The following PRKCQ variants were observed in gnomAD, a reference collection of about 807,000 sequenced individuals.
The protein encoded by PRKCQ is protein kinase C theta.
Under a neutral mutation model 91.2 loss-of-function variants are expected in PRKCQ, and 41 were observed. The ratio of observed to expected loss-of-function variants is 0.45; its 90% CI spans 0.35 to 0.58. PRKCQ has a LOEUF of 0.58. Among genes scored for constraint, PRKCQ ranks in the 20% least tolerant of loss-of-function variants. The pLI, the probability that PRKCQ is intolerant of heterozygous loss-of-function variation, is 0.00. For missense variants in PRKCQ, 673 were observed against 896.5 expected, an observed-to-expected ratio of 0.75 and a Z score of 3.18; for synonymous variants, 307 against 316.9, an observed-to-expected ratio of 0.97 and a Z score of 0.33.
At chr10:6,474,825 T>TA (rs1232354170) in intron 12 of PRKCQ, among the ~76,000 whole-genome samples, 2 of 152,190 alleles carry the variant, frequency 1.3e-5, no homozygotes, top group Admixed American at 6.5e-5. Flanking sequence ...TTTTAAAATG[T>TA]AAGTAATGGA....
chr10:6,500,704 A>AG (rs1319863246), intron 4 of PRKCQ, among the ~76,000 whole-genome samples: 2 of 151,824 alleles, frequency 1.3e-5, no homozygotes, highest in Admixed American at 6.6e-5. Flanking sequence ...TGGTTTTTGC[A>AG]ATTTTTTTTC....
exon 1 of PRKCQ, chr10:6,580,262 GACTGCGCGGGGACTGCGCGGGGA>G (rs1841422034): frequency 9.8e-6 from 1 of 101,638 alleles, no homozygotes; most frequent in Non-Finnish European, 2.3e-5. Flanking sequence ...ACTGCGCGGG[GACTGCGCGGGGACTGCGCGGGGA>G]CTGGCGGGGC....
In PRKCQ at chr10:6,497,969, T is replaced by C. The variant is rs918403599; in HGVS notation, c.542+427A>G. Among the ~76,000 whole-genome samples the C allele has an allele frequency of 6.6e-6, 1 of 152,214 alleles. No individual in the cohort carries two copies. Among genetic ancestry groups the C allele is most frequent in the Admixed American group, 6.5e-5 (1 of 15,284 alleles). On this transcript the variant is annotated intron_variant, in intron 5 of 17. Coordinates refer to ENST00000263125, the MANE Select transcript of PRKCQ (RefSeq NM_006257.5). This position sits in a 1 kb window ranked among gnomAD's most constrained non-coding sequence, Gnocchi z 4.5. ...CTGATCTGTTTGATGGCTATTAAGA[T>C]ACCCAAGAGCCTCATAAGCATTTAA... is the stretch of plus-strand genomic sequence containing the variant.
At chr10:6,463,004 CAAAA>C (rs57879218) in intron 13 of PRKCQ, among the ~76,000 whole-genome samples, 2 of 127,102 alleles carry the variant, frequency 1.6e-5, no homozygotes, top group Non-Finnish European at 1.7e-5. Context: ...GACTCTGACT[CAAAA>C]AAAAAAAAAA....
At chr10:6,493,878 A>G (rs1837453099) in intron 7 of PRKCQ, among the ~76,000 whole-genome samples, 1 of 152,190 alleles carries the variant, frequency 6.6e-6, no homozygotes, top group East Asian at 1.9e-4. Flanking sequence ...AAATGTTAGG[A>G]GAAATTCTAC....
chr10:6,418,955 ATATCTATCTATCTATCTATC>A, the PRKCQ span, among the ~76,000 whole-genome samples: 28,139 of 147,100 alleles, frequency 0.19, 3,094 homozygotes, highest in Non-Finnish European at 0.23. Flanking sequence ...ATCTTATCTA[ATATCTATCTATCTATCTATC>A]TATCTATCTA....
intron 12 of PRKCQ, among the ~76,000 whole-genome samples, chr10:6,470,384 C>T (rs1018076733): frequency 3.3e-5 from 5 of 152,118 alleles, no homozygotes; most frequent in Non-Finnish European, 1.5e-5. Flanking sequence ...TCATATATTC[C>T]CACAGTTTCC....
At chr10:6,407,243 G>T in the PRKCQ span, among the ~76,000 whole-genome samples, 1 of 151,812 alleles carries the variant, frequency 6.6e-6, no homozygotes, top group Admixed American at 6.6e-5. This position sits in a 1 kb window ranked among gnomAD's most constrained non-coding sequence, Gnocchi z 4.0. Context: ...ACCCAGTCCT[G>T]AATGCAGTGG....
At chr10:6,467,341 GAGAGAGAGAGAGAGAC>G (rs1180525840) in intron 12 of PRKCQ, among the ~76,000 whole-genome samples, 27 of 131,042 alleles carry the variant, frequency 2.1e-4, no homozygotes, top group East Asian at 4.4e-4. Context: ...CAGACAGAGA[GAGAGAGAGAGAGAGAC>G]AGAGAGAGAG....
At chr10:6,443,523 A>T (rs762913482) in intron 15 of PRKCQ, among the ~76,000 whole-genome samples, 1 of 152,222 alleles carries the variant, frequency 6.6e-6, no homozygotes, top group Non-Finnish European at 1.5e-5. Context: ...ATGAACCTGG[A>T]AAACATGATG....
In PRKCQ at chr10:6,485,193, T is replaced by A. The variant is rs1370556219; in HGVS notation, c.977A>T (p.Asn326Ile). Residue 326 changes from asparagine (N) to isoleucine (I), a missense_variant, in exon 10 of 18, where the codon AAT (asparagine) becomes ATT (isoleucine). Transcript: ENST00000263125. Reference sequence around the variant, plus strand: ...CGGTAAACATGGCGGCCTTGCTTCATTTTTGATGGAGCATGGGAGACCAAT... The same window carrying A: ...CGGTAAACATGGCGGCCTTGCTTCAATTTTGATGGAGCATGGGAGACCAAT... ...VEIGLPCSIK[N>I]EARPPCLPTP... The A allele has an allele frequency of 1.9e-6, 3 of 1,613,924 alleles. No individual in the cohort carries two copies. The highest frequency in any genetic ancestry group is 2.5e-6 in the Non-Finnish European group (3 of 1,179,966).
chr10:6,477,025 A>C (rs951068089), intron 12 of PRKCQ, among the ~76,000 whole-genome samples: 1 of 152,196 alleles, frequency 6.6e-6, no homozygotes. Context: ...CATCATGGGA[A>C]GTTCCAGCCT....
intron 12 of PRKCQ, among the ~76,000 whole-genome samples, chr10:6,472,725 C>G (rs1005051963): frequency 4.6e-5 from 7 of 151,614 alleles, no homozygotes; most frequent in African/African-American, 1.7e-4. Flanking sequence ...TTCTTTTTTT[C>G]TTTTTGAGAC....
chr10:6,498,319 A>G, intron 5 of PRKCQ, 77 bp downstream of exon 5: 1 of 1,527,742 alleles, frequency 6.5e-7, no homozygotes, highest in Non-Finnish European at 9.0e-7. Flanking sequence ...ACAGTGGAGC[A>G]TGCCAGCGTA....
In PRKCQ at chr10:6,445,899, C is replaced by T. The variant is rs181495725; in HGVS notation, c.1648-3818G>A. Among the ~76,000 whole-genome samples the T allele has an allele frequency of 4.6e-5, 7 of 152,370 alleles. No individual in the cohort carries two copies. In the East Asian group the frequency reaches 1.3e-3, roughly 29 times the overall value. The stretch of plus-strand genomic sequence containing the variant: ...GGCGTCAAAGCAACCAGAAACGTCT[C>T]TGAACCACATATCTTTGTAAACAAC... On this transcript the variant is annotated intron_variant, in intron 15 of 17. Transcript: ENST00000263125.
Position 6,514,946 on chromosome 10 carries a change from C to T in PRKCQ, c.118+72G>A, listed in dbSNP as rs1002596281. 1.9e-6 allele frequency: 3 copies of T among 1,602,956 alleles called. No homozygotes were observed. In the African/African-American group the frequency reaches 4.0e-5, roughly 22 times the overall value. The stretch of plus-strand genomic sequence containing the variant: ...AGATGATGTCAAATGTCCTGGAAGA[C>T]CTTGCTTCATACACAGTTCATAGCA... On this transcript the variant is annotated intron_variant, in intron 2 of 17. Transcript: ENST00000263125.
At chr10:6,408,933 T>C in the PRKCQ span, among the ~76,000 whole-genome samples, 2 of 152,182 alleles carry the variant, frequency 1.3e-5, no homozygotes, top group Non-Finnish European at 2.9e-5. Context: ...CAGATTCAGT[T>C]TTACTAGTCA....
At chr10:6,463,534 T>C (rs1379353923) in intron 13 of PRKCQ, among the ~76,000 whole-genome samples, 1 of 152,172 alleles carries the variant, frequency 6.6e-6, no homozygotes, top group Admixed American at 6.5e-5. Context: ...TGCTACCCAC[T>C]AGATGTGATA....
chr10:6,404,853 TTC>T, the PRKCQ span, among the ~76,000 whole-genome samples: 4 of 147,374 alleles, frequency 2.7e-5, no homozygotes, highest in Admixed American at 6.7e-5. Context: ...CTTTCCTTCT[TTC>T]TTTCTCTTCC....
Sources: allele counts gnomAD v4.1 joint callset (sites outside exome capture counted in the v4.1 genomes callset), GRCh38; gene constraint gnomAD v4.1.1; non-coding constraint Gnocchi (gnomAD v3.1); transcripts MANE v1.5; gene names NCBI Gene and HGNC (gene_info 2026-07-23, HGNC 2026-07-21).